YAP1: variants seen among roughly 807,000 people sequenced by gnomAD.
YAP1 encodes Yes1 associated transcriptional regulator, also known as transcriptional coactivator YAP1.
A neutral mutation model predicts 56.9 loss-of-function variants in YAP1; 5 were observed. That is an observed-to-expected ratio of 0.09 (90% CI 0.05 to 0.18). The LOEUF (loss-of-function observed/expected upper bound fraction) is 0.18. YAP1 is among the 10% of genes least tolerant of loss of function. The pLI, the probability that YAP1 is intolerant of heterozygous loss-of-function variation, is 1.00. For missense variants in YAP1, 539 were observed against 651.8 expected (o/e 0.83, Z 1.88); for synonymous variants, 265 against 248.1 (o/e 1.07, Z -0.64).
chr11:102,195,595 G>C (rs980455168), intron 4 of YAP1, among the ~76,000 whole-genome samples: 3 of 152,182 alleles, frequency 2.0e-5, no homozygotes, highest in Admixed American at 2.0e-4. Flanking sequence ...CCTGTTCTCA[G>C]ATAGTGAGTG....
chr11:102,230,121 C>G lies in YAP1; in HGVS notation c.*181C>G, dbSNP rs1436643872. ...GTCCATTGCTGCTGTTAATGTATTG[C>G]TGACCTCTTTCACAGTTGGCTCTAA... On this transcript the variant is annotated 3_prime_UTR_variant, in exon 9 of 9. Coordinates refer to ENST00000282441, the MANE Select transcript of YAP1 (RefSeq NM_001130145.3). 8.8e-6 allele frequency: 5 copies of G among 569,436 alleles called. No homozygotes were observed. The highest frequency in any genetic ancestry group is 1.5e-5 in the Non-Finnish European group (5 of 323,784). 35.3% of individuals were successfully genotyped at this position (569,436 alleles called of 1,614,324 possible).
chr11:102,186,037 G>C lies in YAP1; in HGVS notation c.708G>C (p.Trp236Cys). 1 of 1,606,296 alleles carries C rather than the reference G, an allele frequency of 6.2e-7. No homozygotes were observed. The highest frequency in any genetic ancestry group is 8.5e-7 in the Non-Finnish European group (1 of 1,177,740). The change falls in exon 4 of 9, where the codon TGG becomes TGC. Residue 236 changes from tryptophan to cysteine, a missense_variant. By Grantham distance (215) the Trp-to-Cys change is radical (BLOSUM62 -2). Around this residue, in one of 4 missense-constraint regions of YAP1, gnomAD observed 414 missense variants for 512.4 expected, o/e 0.81. Transcript: ENST00000282441. ...TTATAGGTCCTCTTCCTGATGGATG[G>C]GAACAAGCCATGACTCAGGATGGAG... is the stretch of plus-strand genomic sequence containing the variant. ...NSASGPLPDG[W>C]EQAMTQDGEI...
rs1949172853 is a variant in YAP1, at chr11:102,207,336, C to G, written c.984+1262C>G. 2.0e-5 allele frequency among the ~76,000 whole-genome samples: 3 copies of G among 151,760 alleles called. No homozygotes were observed. In the South Asian group the frequency reaches 6.2e-4, roughly 31 times the overall value. The stretch of plus-strand genomic sequence containing the variant: ...ATACTCTGTTTACATACATAAAATA[C>G]ATGTATCTGTGCCATTTTTTCCCTA... On this transcript the variant is annotated intron_variant, in intron 5 of 8. Transcript: ENST00000282441.
intron 6 of YAP1, among the ~76,000 whole-genome samples, chr11:102,216,274 A>G (rs1301930968): frequency 6.6e-6 from 1 of 152,230 alleles, no homozygotes; most frequent in Non-Finnish European, 1.5e-5. Flanking sequence ...TTACCATAGG[A>G]AACTAAGAAT....
chr11:102,128,097 C>A (rs1944145208), intron 2 of YAP1, among the ~76,000 whole-genome samples: 1 of 152,126 alleles, frequency 6.6e-6, no homozygotes. Context: ...AGACTTTGGA[C>A]TGTGGACTTT....
chr11:102,189,791 C>T (rs991425991), intron 4 of YAP1, among the ~76,000 whole-genome samples: 4 of 152,034 alleles, frequency 2.6e-5, no homozygotes, highest in Admixed American at 1.3e-4. Context: ...ATACAAATAC[C>T]TATATGCAAT....
chr11:102,121,269 C>T (rs902755259), intron 2 of YAP1, among the ~76,000 whole-genome samples: 2 of 151,926 alleles, frequency 1.3e-5, no homozygotes, highest in Non-Finnish European at 2.9e-5. Context: ...AAGATCTCAT[C>T]TCTATTAAAA....
At chr11:102,225,827 T>C (rs992904331) in intron 7 of YAP1, among the ~76,000 whole-genome samples, 1 of 152,192 alleles carries the variant, frequency 6.6e-6, no homozygotes, top group Non-Finnish European at 1.5e-5. Flanking sequence ...AAACATTGTT[T>C]GTAGGTGGTG....
intron 3 of YAP1, among the ~76,000 whole-genome samples, chr11:102,171,603 T>G (rs1946903015): frequency 6.6e-6 from 1 of 152,214 alleles, no homozygotes; most frequent in Admixed American, 6.5e-5. Context: ...CTAAGCCATT[T>G]CATTGAGTTA....
intron 2 of YAP1, among the ~76,000 whole-genome samples, chr11:102,151,761 G>T (rs1981420): frequency 6.6e-6 from 1 of 152,288 alleles, no homozygotes; most frequent in Non-Finnish European, 1.5e-5. Flanking sequence ...TGGTGGTATG[G>T]AGAGGGTTGG....
intron 2 of YAP1, among the ~76,000 whole-genome samples, chr11:102,124,785 G>A (rs1000414987): frequency 6.6e-6 from 1 of 152,084 alleles, no homozygotes; most frequent in Non-Finnish European, 1.5e-5. Flanking sequence ...GCCCAGGTTC[G>A]AGTGCAGTGG....
chr11:102,119,433 G>A (rs1362860513), intron 2 of YAP1, among the ~76,000 whole-genome samples: 1 of 151,972 alleles, frequency 6.6e-6, no homozygotes, highest in Non-Finnish European at 1.5e-5. Context: ...GTCACTTGGT[G>A]TGTTTAAAAA....
intron 1 of YAP1, 73 bp from the exon 2 acceptor site, chr11:102,114,071 C>T: frequency 2.0e-6 from 3 of 1,480,090 alleles, no homozygotes; most frequent in Non-Finnish European, 2.7e-6. Flanking sequence ...CAATTAAGCG[C>T]TGACTGGGAA....
chr11:102,197,082 A>T (rs1323336336), intron 4 of YAP1, among the ~76,000 whole-genome samples: 1 of 152,198 alleles, frequency 6.6e-6, no homozygotes, highest in East Asian at 1.9e-4. Context: ...AGACCCACAG[A>T]TGGCCTATTA....
chr11:102,228,703 C>T (rs1834942744), intron 8 of YAP1, among the ~76,000 whole-genome samples: 1 of 150,536 alleles, frequency 6.6e-6, no homozygotes, highest in African/African-American at 2.4e-5. Flanking sequence ...AAATACCTGC[C>T]TCACAGGGGT....
At chr11:102,181,270 C>A (rs944126353) in intron 3 of YAP1, among the ~76,000 whole-genome samples, 1 of 151,782 alleles carries the variant, frequency 6.6e-6, no homozygotes, top group Admixed American at 6.6e-5. Context: ...ACGGTGAAAC[C>A]CCGTCTCTAC....
intron 4 of YAP1, among the ~76,000 whole-genome samples, chr11:102,193,241 C>T (rs73582099): frequency 0.012 from 1,902 of 152,196 alleles, 39 homozygotes; most frequent in African/African-American, 0.044. Flanking sequence ...CAAAAGCAAG[C>T]ATTTGCTTAA....
intron 3 of YAP1, among the ~76,000 whole-genome samples, chr11:102,171,201 C>T (rs1946882205): frequency 6.6e-6 from 1 of 152,094 alleles, no homozygotes; most frequent in Non-Finnish European, 1.5e-5. Context: ...GTTTTATTCT[C>T]TTGATAAGTG....
chr11:102,158,336 T>C (rs1946067889), intron 2 of YAP1, among the ~76,000 whole-genome samples: 1 of 152,250 alleles, frequency 6.6e-6, no homozygotes, highest in African/African-American at 2.4e-5. Context: ...TTAGTGGTTT[T>C]TGCTTTATCA....
Sources: allele counts gnomAD v4.1 joint callset (sites outside exome capture counted in the v4.1 genomes callset), GRCh38; gene constraint gnomAD v4.1.1; regional missense constraint gnomAD v4.1.1; transcripts MANE v1.5; gene names NCBI Gene and HGNC (gene_info 2026-07-23, HGNC 2026-07-21).